The following CREB1 variants were observed in gnomAD, a reference collection of about 807,000 sequenced individuals.
CREB1 encodes the protein cAMP responsive element binding protein 1.
In CREB1, 2 loss-of-function variants were observed where a neutral mutation model predicts 42.0. The observed-to-expected ratio is 0.05, with a 90% CI of 0.02 to 0.15. The LOEUF is 0.15. CREB1 is among the 10% of genes least tolerant of loss of function. The pLI is 1.00. For missense variants in CREB1, 199 were observed against 388.9 expected (o/e 0.51, Z 4.11); for synonymous variants, 123 against 139.9 (o/e 0.88, Z 0.85).
At chr2:207,577,437 G>T (rs2082639034) in intron 6 of CREB1, 68 bp from the exon 7 acceptor site, 1 of 1,556,498 alleles carries the variant, frequency 6.4e-7, no homozygotes, top group Non-Finnish European at 8.8e-7. Context: ...TTAGATTGAT[G>T]ATTGATACAC....
chr2:207,539,021 G>A (rs1163073176), intron 1 of CREB1, among the ~76,000 whole-genome samples: 1 of 149,396 alleles, frequency 6.7e-6, no homozygotes, highest in African/African-American at 2.4e-5. Flanking sequence ...GAAAATTACA[G>A]ATTATTCTGA....
chr2:207,597,099 C>G lies in CREB1; in HGVS notation c.*41C>G. Reference sequence around the variant, plus strand: ...TTCACCTGTTAAGGTGGAAAATGGACTGGCTTGGCCACAACCTGAAAGACA... The same window carrying G: ...TTCACCTGTTAAGGTGGAAAATGGAGTGGCTTGGCCACAACCTGAAAGACA... On this transcript the variant is annotated 3_prime_UTR_variant, in exon 8 of 8. Transcript: ENST00000353267. 2 of 1,546,166 alleles carry G rather than the reference C, an allele frequency of 1.3e-6. No individual in the cohort carries two copies. The highest frequency in any genetic ancestry group is 1.7e-6 in the Non-Finnish European group (2 of 1,152,328).
Position 207,602,878 on chromosome 2 carries a change from G to A in CREB1, c.*5820G>A, listed in dbSNP as rs1174526140. The A allele has an allele frequency of 1.4e-5, 3 of 217,764 alleles. No homozygotes were observed. Among genetic ancestry groups the A allele is most frequent in the Non-Finnish European group, 2.8e-5 (3 of 108,330 alleles). The allele number at this position is 217,764 out of a possible 1,614,324, so 13.5% of individuals were successfully genotyped here. ...CCTTGACTGATTTGTCCACATGTCA[G>A]TTGTAACTCCCCCACTCCCTGCAAA... On this transcript the variant is annotated 3_prime_UTR_variant, in exon 8 of 8. Coordinates refer to ENST00000353267, the MANE Select transcript of CREB1 (RefSeq NM_004379.5).
intron 6 of CREB1, among the ~76,000 whole-genome samples, chr2:207,576,368 T>G (rs1470961524): frequency 6.6e-6 from 1 of 151,740 alleles, no homozygotes; most frequent in Non-Finnish European, 1.5e-5. Context: ...GGTTAGAAAT[T>G]TGCTGATTGA....
In CREB1 at chr2:207,540,669, T is replaced by TAA. The variant is rs35714520; in HGVS notation, c.-9+10562_-9+10563dup. Among the ~76,000 whole-genome samples the TAA allele has an allele frequency of 5.8e-3, 375 of 64,242 alleles. 4 individuals carry two copies. The highest frequency in any genetic ancestry group is 0.024 in the African/African-American group (347 of 14,316). 42.1% of individuals were successfully genotyped at this position (64,242 alleles called of 152,430 possible). ...AAGTTTAACAAAAAAGTTTAAAAAGTAAAAAAAAAAAAAAAAAAAAAAAAA... is the reference window on the plus strand; with the variant it reads ...AAGTTTAACAAAAAAGTTTAAAAAGTAAAAAAAAAAAAAAAAAAAAAAAAAAA... On this transcript the variant is annotated intron_variant, in intron 1 of 7. Coordinates refer to ENST00000353267, the MANE Select transcript of CREB1 (RefSeq NM_004379.5).
chr2:207,562,894 G>C (rs954564577), intron 3 of CREB1, among the ~76,000 whole-genome samples: 4 of 152,158 alleles, frequency 2.6e-5, no homozygotes, highest in Non-Finnish European at 4.4e-5. Context: ...GTTTATTGGT[G>C]ACATGCTATG....
Position 207,567,448 on chromosome 2 carries a change from T to A in CREB1, c.262-15T>A. On this transcript the variant is annotated splice_polypyrimidine_tract_variant and intron_variant, in intron 3 of 7. Transcript: ENST00000353267. ...TAAATTTGATTATCAATATGAAGTT[T>A]TTCTTTAATTTCAGATTTCAACTAT... is the stretch of plus-strand genomic sequence containing the variant. 1 of 1,578,694 alleles carries A rather than the reference T, an allele frequency of 6.3e-7. No homozygotes were observed. The highest frequency in any genetic ancestry group is 8.7e-7 in the Non-Finnish European group (1 of 1,153,044).
At chr2:207,579,769 G>A (rs2082774332) in intron 7 of CREB1, among the ~76,000 whole-genome samples, 1 of 151,980 alleles carries the variant, frequency 6.6e-6, no homozygotes, top group Admixed American at 6.6e-5. Context: ...TCCATTCACT[G>A]GAATCTGGCT....
chr2:207,538,284 T>A (rs901276269), intron 1 of CREB1, among the ~76,000 whole-genome samples: 1 of 152,182 alleles, frequency 6.6e-6, no homozygotes, highest in African/African-American at 2.4e-5. Flanking sequence ...AGGCAGTTTC[T>A]CCAGTGATGA....
At position 207,598,698 on chromosome 2, in the gene CREB1, T is replaced by G. The variant is rs540924595; in HGVS notation, c.*1640T>G. The G allele has an allele frequency of 4.2e-4, 69 of 164,164 alleles. No individual in the cohort carries two copies. The highest frequency in any genetic ancestry group is 1.6e-3 in the African/African-American group (68 of 41,886). The allele number at this position is 164,164 out of a possible 1,614,324, so 10.2% of individuals were successfully genotyped here. On this transcript the variant is annotated 3_prime_UTR_variant, in exon 8 of 8. Coordinates refer to ENST00000353267, the MANE Select transcript of CREB1 (RefSeq NM_004379.5). ...CCCATCTCTACTAAAAATACAAAAA[T>G]TAGCCAGGCGTGGTGGCTGGCGCCT...
rs896457742 is a variant in CREB1, at chr2:207,596,229, A to AT, written c.840-678dup. ...CACCATTTGTTGAAGAGACTGTTAGATTTTTTTAAATGCCCTGAAATGATT... is the reference window on the plus strand; with the variant it reads ...CACCATTTGTTGAAGAGACTGTTAGATTTTTTTTAAATGCCCTGAAATGATT... On this transcript the variant is annotated intron_variant, in intron 7 of 7. Transcript: ENST00000353267. Among the ~76,000 whole-genome samples, 5 of 152,108 alleles carry AT rather than the reference A, an allele frequency of 3.3e-5. No homozygotes were observed. The South Asian group carries it at 8.3e-4, about 25-fold the overall frequency.
At chr2:207,583,092 A>G (rs2083229604) in intron 7 of CREB1, among the ~76,000 whole-genome samples, 1 of 152,138 alleles carries the variant, frequency 6.6e-6, no homozygotes, top group Non-Finnish European at 1.5e-5. Context: ...TATAACAACT[A>G]TTTACATAGT....
intron 1 of CREB1, among the ~76,000 whole-genome samples, chr2:207,548,818 A>G (rs913303682): frequency 2.6e-5 from 4 of 151,938 alleles, no homozygotes; most frequent in Admixed American, 6.6e-5. Flanking sequence ...TTTGATGACT[A>G]TGGTGGTGGT....
At chr2:207,570,867 C>G (rs555136712) in intron 5 of CREB1, among the ~76,000 whole-genome samples, 11 of 152,202 alleles carry the variant, frequency 7.2e-5, no homozygotes, top group African/African-American at 2.6e-4. Flanking sequence ...ATTGCTCTTA[C>G]AAAATTATTT....
intron 7 of CREB1, among the ~76,000 whole-genome samples, chr2:207,583,176 A>G (rs1031301535): frequency 2.6e-5 from 4 of 152,172 alleles, no homozygotes; most frequent in African/African-American, 9.6e-5. Flanking sequence ...TATAGGTTAT[A>G]TGCAAATATA....
In CREB1 at chr2:207,605,215, C is replaced by A. The variant is rs998137299; in HGVS notation, c.*8157C>A. Among the ~76,000 whole-genome samples, 2 of 152,198 alleles carry A rather than the reference C, an allele frequency of 1.3e-5. No individual in the cohort carries two copies. The highest frequency in any genetic ancestry group is 1.3e-4 in the Admixed American group (2 of 15,284). ...GTATGAGGGTTCCAATTTCTCCACA[C>A]CTTCACCAACACTTATTTTGCCATT... is the stretch of plus-strand genomic sequence containing the variant. On this transcript the variant is annotated 3_prime_UTR_variant, in exon 8 of 8. Coordinates refer to ENST00000353267, the MANE Select transcript of CREB1 (RefSeq NM_004379.5).
chr2:207,549,483 T>G (rs1574801183), intron 1 of CREB1, among the ~76,000 whole-genome samples: 1 of 152,012 alleles, frequency 6.6e-6, no homozygotes, highest in Non-Finnish European at 1.5e-5. Context: ...CAGTGCACCC[T>G]AGTTATTGAT....
At chr2:207,581,740 G>A (rs767752208) in intron 7 of CREB1, 3 of 651,540 alleles carry the variant, frequency 4.6e-6, no homozygotes, top group Non-Finnish European at 8.2e-6. Context: ...AAGTACATTG[G>A]TATAATACCA....
chr2:207,590,228 G>A (rs888819011), intron 7 of CREB1, among the ~76,000 whole-genome samples: 2 of 151,242 alleles, frequency 1.3e-5, no homozygotes, highest in African/African-American at 2.4e-5. Context: ...TGTTTGTAGT[G>A]TTAGTTTATT....
Sources: allele counts gnomAD v4.1 joint callset (sites outside exome capture counted in the v4.1 genomes callset), GRCh38; gene constraint gnomAD v4.1.1; transcripts MANE v1.5; gene names NCBI Gene and HGNC (gene_info 2026-07-23, HGNC 2026-07-21).